Variants in STK32C observed in about 807,000 individuals in gnomAD.
STK32C encodes the protein serine/threonine-protein kinase 32C.
Under a neutral mutation model 56.5 loss-of-function variants are expected in STK32C, and 31 were observed. The observed-to-expected ratio is 0.55, with a 90% CI of 0.41 to 0.74. STK32C has a LOEUF of 0.74. Ranked by LOEUF, STK32C falls within the 30% of genes least tolerant of loss-of-function variation. STK32C has a pLI of 0.00. For missense variants in STK32C, 544 were observed against 676.9 expected (o/e 0.80, Z 2.18); for synonymous variants, 309 against 289.4 (o/e 1.07, Z -0.69).
intron 1 of STK32C, among the ~76,000 whole-genome samples, chr10:132,294,275 T>C (rs1179983172): frequency 4.6e-5 from 7 of 150,930 alleles, no homozygotes; most frequent in African/African-American, 7.3e-5. Flanking sequence ...GGGAAGGGGG[T>C]TGGGGATCAG....
intron 1 of STK32C, among the ~76,000 whole-genome samples, chr10:132,267,547 ATGCCTGTG>A (rs1445040688): frequency 7.3e-6 from 1 of 137,776 alleles, no homozygotes; most frequent in Non-Finnish European, 1.5e-5. Context: ...GTTCAGCTCT[ATGCCTGTG>A]TGCATGCAAG....
downstream of STK32C, among the ~76,000 whole-genome samples, chr10:132,323,602 G>A (rs1172345774): frequency 1.3e-5 from 2 of 152,220 alleles, no homozygotes; most frequent in African/African-American, 2.4e-5. This position sits in a 1 kb window ranked among gnomAD's most constrained non-coding sequence, Gnocchi z 4.8. Flanking sequence ...ATGAATTCAG[G>A]TTAAAGAATT....
Position 132,307,478 on chromosome 10 carries a change from A to G in STK32C, c.262+94T>C. The G allele has an allele frequency of 3.0e-6, 4 of 1,342,700 alleles. No individual in the cohort carries two copies. Among genetic ancestry groups the G allele is most frequent in the Non-Finnish European group, 3.9e-6 (4 of 1,026,360 alleles). The allele number at this position is 1,342,700 out of a possible 1,614,324, so 83.2% of individuals were successfully genotyped here. ...GGGGCGCCCCGGGAAGCCGTCCCGGACACCGGGGGAACCCCTGCGGGAAAA... is the reference window on the plus strand; with the variant it reads ...GGGGCGCCCCGGGAAGCCGTCCCGGGCACCGGGGGAACCCCTGCGGGAAAA... On this transcript the variant is annotated intron_variant, in intron 1 of 11. Coordinates refer to ENST00000298630, the MANE Select transcript of STK32C (RefSeq NM_173575.4). The surrounding 1 kb of genome is among the most constrained non-coding windows in gnomAD (Gnocchi z 4.4).
At chr10:132,257,590 C>A (rs1407082206) in intron 1 of STK32C, among the ~76,000 whole-genome samples, 15 of 152,066 alleles carry the variant, frequency 9.9e-5, no homozygotes, top group Non-Finnish European at 1.5e-5. Flanking sequence ...AAAGCCACAT[C>A]ACCCCTGTCC....
chr10:132,243,550 A>G (rs992581345), intron 2 of STK32C, among the ~76,000 whole-genome samples: 2 of 152,206 alleles, frequency 1.3e-5, no homozygotes, highest in Non-Finnish European at 2.9e-5. Flanking sequence ...TACCGCCACC[A>G]CTTTCAGCCG....
chr10:132,273,583 A>C (rs1443262475), intron 1 of STK32C, among the ~76,000 whole-genome samples: 1 of 142,500 alleles, frequency 7.0e-6, no homozygotes, highest in Non-Finnish European at 1.6e-5. Flanking sequence ...GAGTGAATGA[A>C]TACATGGTTA....
chr10:132,267,064 C>T (rs981346409), intron 1 of STK32C, among the ~76,000 whole-genome samples: 1 of 152,214 alleles, frequency 6.6e-6, no homozygotes, highest in Non-Finnish European at 1.5e-5. Flanking sequence ...AAAGCTGGGT[C>T]AGAAGCCGGA....
chr10:132,227,915 G>C (rs889632574), intron 3 of STK32C, 62 bp downstream of exon 3: 1 of 1,580,888 alleles, frequency 6.3e-7, no homozygotes, highest in South Asian at 1.1e-5. Context: ...GGAGAGGATA[G>C]CCAGTGCCTT....
At chr10:132,227,559 G>GA (rs1237275496) in intron 3 of STK32C, among the ~76,000 whole-genome samples, 1 of 151,992 alleles carries the variant, frequency 6.6e-6, no homozygotes, top group Admixed American at 6.6e-5. Context: ...TTATAGTGAT[G>GA]ACGGTGATGA....
chr10:132,260,335 C>T (rs540748450), intron 1 of STK32C, among the ~76,000 whole-genome samples: 1 of 152,230 alleles, frequency 6.6e-6, no homozygotes, highest in East Asian at 1.9e-4. Context: ...GACAAGGACA[C>T]GGCACCACTG....
Position 132,307,891 on chromosome 10 carries a change from C to A in STK32C, c.-58G>T. 1.8e-6 allele frequency: 2 copies of A among 1,130,496 alleles called. No homozygotes were observed. Among genetic ancestry groups the A allele is most frequent in the Non-Finnish European group, 2.2e-6 (2 of 918,054 alleles). The allele number at this position is 1,130,496 out of a possible 1,614,324, so 70.0% of individuals were successfully genotyped here. On this transcript the variant is annotated 5_prime_UTR_variant, in exon 1 of 12. Transcript: ENST00000298630. The surrounding 1 kb of genome is among the most constrained non-coding windows in gnomAD (Gnocchi z 4.4). Reference sequence around the variant, plus strand: ...TCGGGGCATGGCCGGCCGGCAGGGCCGGGAGCGGCAGTGGTAGCGGGAGCG... The same window carrying A: ...TCGGGGCATGGCCGGCCGGCAGGGCAGGGAGCGGCAGTGGTAGCGGGAGCG...
At chr10:132,216,122 G>C (rs567711162) in intron 10 of STK32C, among the ~76,000 whole-genome samples, 8 of 152,244 alleles carry the variant, frequency 5.3e-5, no homozygotes, top group Non-Finnish European at 1.0e-4. Context: ...ATTTTAAAAA[G>C]GAAACAGCAT....
In STK32C at chr10:132,220,728, G is replaced by C. The variant is rs540133660; in HGVS notation, c.1251+1913C>G. Among the ~76,000 whole-genome samples the C allele has an allele frequency of 3.3e-5, 5 of 152,266 alleles. 1 individual carries two copies. Among genetic ancestry groups the C allele is most frequent in the African/African-American group, 9.6e-5 (4 of 41,548 alleles). On this transcript the variant is annotated intron_variant, in intron 10 of 11. Coordinates refer to ENST00000298630, the MANE Select transcript of STK32C (RefSeq NM_173575.4). ...CCTGTCAAATCCCTGATGAGACCACGACCTCAGACAATATTAGCTCACACT... is the reference window on the plus strand; with the variant it reads ...CCTGTCAAATCCCTGATGAGACCACCACCTCAGACAATATTAGCTCACACT...
chr10:132,227,305 C>T (rs763208558), intron 3 of STK32C, among the ~76,000 whole-genome samples: 25 of 152,266 alleles, frequency 1.6e-4, no homozygotes, highest in Non-Finnish European at 2.6e-4. Flanking sequence ...GGGATACAGA[C>T]ATTTGCCTCG....
chr10:132,225,515 G>C lies in STK32C; in HGVS notation c.772+12C>G. On this transcript the variant is annotated intron_variant, in intron 6 of 11. Coordinates refer to ENST00000298630, the MANE Select transcript of STK32C (RefSeq NM_173575.4). ...AAGCCAGCTCCCATCTGGAACCCCA[G>C]CTCGGGCTCACCCATGTACGGCTTG... is the stretch of plus-strand genomic sequence containing the variant. 3 of 1,613,746 alleles carry C rather than the reference G, an allele frequency of 1.9e-6. No homozygotes were observed. The highest frequency in any genetic ancestry group is 4.5e-5 in the East Asian group (2 of 44,872).
intron 1 of STK32C, among the ~76,000 whole-genome samples, chr10:132,253,906 G>A (rs1309355150): frequency 6.6e-6 from 1 of 152,254 alleles, no homozygotes; most frequent in Non-Finnish European, 1.5e-5. Flanking sequence ...ACCCGCCTCT[G>A]CGTCTAGCAC....
intron 2 of STK32C, among the ~76,000 whole-genome samples, chr10:132,243,076 T>C (rs1185741689): frequency 1.3e-5 from 2 of 152,186 alleles, no homozygotes; most frequent in Non-Finnish European, 2.9e-5. Context: ...CAGCCAAGCC[T>C]GGTCCCAGAG....
chr10:132,246,018 C>A, intron 1 of STK32C, 63 bp from the exon 2 acceptor site: 1 of 1,510,074 alleles, frequency 6.6e-7, no homozygotes, highest in South Asian at 1.1e-5. Flanking sequence ...CAGAGCAGCT[C>A]CCCCACCTCA....
chr10:132,253,311 G>C (rs1287482109), intron 1 of STK32C, among the ~76,000 whole-genome samples: 6 of 152,264 alleles, frequency 3.9e-5, no homozygotes, highest in Non-Finnish European at 8.8e-5. Context: ...CCGGGCAAAA[G>C]GAAGCTGGAG....
Sources: allele counts gnomAD v4.1 joint callset (sites outside exome capture counted in the v4.1 genomes callset), GRCh38; gene constraint gnomAD v4.1.1; non-coding constraint Gnocchi (gnomAD v3.1); transcripts MANE v1.5; gene names NCBI Gene and HGNC (gene_info 2026-07-23, HGNC 2026-07-21).